The following CIT variants were observed in gnomAD, a reference collection of about 807,000 sequenced individuals.
The protein encoded by CIT is citron rho-interacting serine/threonine kinase, also known as citron Rho-interacting kinase.
CIT carries 79 observed loss-of-function variants against 272.7 expected under a neutral mutation model. That is an observed-to-expected ratio of 0.29 (90% CI 0.24 to 0.35). The LOEUF is 0.35. Among genes scored for constraint, CIT ranks in the 10% least tolerant of loss-of-function variants. The pLI is 1.00. For synonymous variants in CIT, 948 were observed against 995.6 expected, an observed-to-expected ratio of 0.95 and a Z score of 0.90; for missense variants, 1,909 against 2,618.3, an observed-to-expected ratio of 0.73 and a Z score of 5.91.
intron 8 of CIT, among the ~76,000 whole-genome samples, chr12:119,823,714 T>C (rs1452019806): frequency 6.6e-6 from 1 of 152,134 alleles, no homozygotes; most frequent in Non-Finnish European, 1.5e-5. Context: ...TGGTTGAAAC[T>C]AAAACATATA....
At chr12:119,834,013 C>G (rs1229453001) in intron 6 of CIT, 73 bp downstream of exon 6, 6 of 1,424,304 alleles carry the variant, frequency 4.2e-6, no homozygotes, top group Non-Finnish European at 5.7e-6. Flanking sequence ...CTCATCCACT[C>G]ATTTCCATGC....
At chr12:119,742,045 G>A (rs1025342098) in intron 24 of CIT, among the ~76,000 whole-genome samples, 12 of 152,134 alleles carry the variant, frequency 7.9e-5, no homozygotes, top group Non-Finnish European at 1.6e-4. Context: ...CCTGGTGACA[G>A]GGGAGTCTCT....
intron 10 of CIT, among the ~76,000 whole-genome samples, chr12:119,801,895 C>T (rs758557127): frequency 1.3e-5 from 2 of 152,184 alleles, no homozygotes; most frequent in African/African-American, 4.8e-5. Context: ...ACCCAGCCCC[C>T]AGAGAGGGGA....
At chr12:119,802,848 T>C (rs1193443067) in intron 10 of CIT, among the ~76,000 whole-genome samples, 1 of 152,182 alleles carries the variant, frequency 6.6e-6, no homozygotes, top group Admixed American at 6.5e-5. Context: ...GTTAGATAGA[T>C]GGGCAGCTCA....
Position 119,876,138 on chromosome 12 carries a change from G to A in CIT, c.31C>T (p.Pro11Ser), listed in dbSNP as rs1439818710. 6.2e-7 allele frequency: 1 copy of A among 1,613,906 alleles called. No homozygotes were observed. Among genetic ancestry groups the A allele is most frequent in the South Asian group, 1.1e-5 (1 of 91,038 alleles). MLKFKYGARN[P>S]LDAGAAEPIA... Reference sequence around the variant, plus strand: ...GGTTCAGCAGCACCAGCATCCAAAGGATTCCGCGCTCCATATTTGAACTTC... The same window carrying A: ...GGTTCAGCAGCACCAGCATCCAAAGAATTCCGCGCTCCATATTTGAACTTC... Residue 11 changes from proline (P) to serine (S), a missense_variant, in exon 2 of 48, where the codon CCT (proline) becomes TCT (serine). Around this residue, in one of 8 missense-constraint regions of CIT, gnomAD observed 529 missense variants for 549.6 expected, o/e 0.96. Transcript: ENST00000392521.
chr12:119,760,885 G>T, intron 20 of CIT, 54 bp downstream of exon 20: 1 of 1,107,476 alleles, frequency 9.0e-7, no homozygotes, highest in Non-Finnish European at 1.4e-6. Context: ...GTGATTCTTG[G>T]CATATTTCAA....
intron 13 of CIT, 91 bp from the exon 14 acceptor site, chr12:119,776,933 G>A: frequency 1.5e-6 from 2 of 1,349,320 alleles, no homozygotes; most frequent in Non-Finnish European, 2.1e-6. Flanking sequence ...ACCACACAGG[G>A]AAGATGCACA....
intron 46 of CIT, among the ~76,000 whole-genome samples, chr12:119,693,029 G>C (rs1179207354): frequency 6.7e-6 from 1 of 149,464 alleles, no homozygotes; most frequent in Non-Finnish European, 1.5e-5. Flanking sequence ...GAAAAGAAAT[G>C]ATAAGATGTG....
chr12:119,712,562 A>C lies in CIT; in HGVS notation c.4684+29T>G. On this transcript the variant is annotated intron_variant, in intron 36 of 47. Transcript: ENST00000392521. This position sits in a 1 kb window ranked among gnomAD's most constrained non-coding sequence, Gnocchi z 5.2. The stretch of plus-strand genomic sequence containing the variant: ...GATTGGCCAAGCCCGGCCCACCTCC[A>C]GGGCGGGGCTCCTCCGGCTCCTCCT... 1 of 1,599,382 alleles carries C rather than the reference A, an allele frequency of 6.3e-7. No individual in the cohort carries two copies. Among genetic ancestry groups the C allele is most frequent in the Admixed American group, 1.7e-5 (1 of 60,000 alleles).
intron 9 of CIT, 142 bp from the exon 10 acceptor site, chr12:119,803,531 C>G (rs991939990): frequency 1.2e-4 from 65 of 549,140 alleles, no homozygotes; most frequent in Non-Finnish European, 1.9e-4. Context: ...CTCGCAACCT[C>G]GGCTCCTACA....
intron 2 of CIT, 48 bp from the exon 3 acceptor site, chr12:119,869,249 T>G: frequency 1.3e-6 from 2 of 1,559,948 alleles, no homozygotes; most frequent in Non-Finnish European, 1.7e-6. Context: ...AATGAAAAGC[T>G]TTGATCAATA....
intron 43 of CIT, chr12:119,701,134 C>A (rs1335757736): frequency 6.6e-6 from 1 of 151,982 alleles, no homozygotes; most frequent in Non-Finnish European, 1.4e-5. Context: ...TGAAGCGATC[C>A]GGAGGAAGGA....
intron 5 of CIT, among the ~76,000 whole-genome samples, chr12:119,840,791 CTT>C (rs941120059): frequency 4.6e-5 from 7 of 152,160 alleles, no homozygotes; most frequent in Non-Finnish European, 8.8e-5. Flanking sequence ...ATCAGATAAT[CTT>C]AGCTGAGAGA....
intron 9 of CIT, among the ~76,000 whole-genome samples, chr12:119,819,069 T>C (rs748357568): frequency 6.6e-6 from 1 of 152,156 alleles, no homozygotes; most frequent in African/African-American, 2.4e-5. Flanking sequence ...GCCCAGCATC[T>C]GAAACATCGC....
intron 9 of CIT, among the ~76,000 whole-genome samples, chr12:119,814,992 C>T (rs804709): frequency 0.65 from 95,067 of 146,508 alleles, 31,108 homozygotes; most frequent in East Asian, 0.84. Flanking sequence ...GAGCCGAGAT[C>T]GTGCCACTGC....
chr12:119,772,925 G>T lies in CIT; in HGVS notation c.1942-15C>A. 3 of 1,605,314 alleles carry T rather than the reference G, an allele frequency of 1.9e-6. No individual in the cohort carries two copies. The highest frequency in any genetic ancestry group is 2.6e-6 in the Non-Finnish European group (3 of 1,176,312). On this transcript the variant is annotated splice_polypyrimidine_tract_variant and intron_variant, in intron 16 of 47. Coordinates refer to ENST00000392521, the MANE Select transcript of CIT (RefSeq NM_001206999.2). ...GCTTTTACAGCCTAGGAAGAGAGAA[G>T]GAAAAGGAGATAGGTGGGCAAATTT...
intron 23 of CIT, among the ~76,000 whole-genome samples, chr12:119,749,083 C>A (rs991345003): frequency 6.6e-6 from 1 of 152,216 alleles, no homozygotes; most frequent in Non-Finnish European, 1.5e-5. Flanking sequence ...GCATTAGAAA[C>A]GGCAACAAAG....
chr12:119,704,225 C>T, intron 41 of CIT, 138 bp downstream of exon 41: 1 of 691,222 alleles, frequency 1.4e-6, no homozygotes, highest in East Asian at 2.7e-5. Flanking sequence ...CGACAGAGGT[C>T]ACCCCAGGCT....
At chr12:119,696,649 C>T (rs965487459) in intron 46 of CIT, among the ~76,000 whole-genome samples, 1 of 152,196 alleles carries the variant, frequency 6.6e-6, no homozygotes, top group Non-Finnish European at 1.5e-5. Flanking sequence ...ACCTCAGCCT[C>T]CAGAGTAGCC....
Sources: gnomAD v4.1 joint callset for allele counts (sites outside exome capture counted in the v4.1 genomes callset) on GRCh38, gnomAD v4.1.1 for gene constraint, gnomAD v4.1.1 regional missense constraint, Gnocchi (gnomAD v3.1) non-coding constraint, MANE v1.5 for transcripts, NCBI Gene and HGNC (gene_info 2026-07-23, HGNC 2026-07-21) for gene names.